The following RMDN2 variants were observed in gnomAD, a reference collection of about 807,000 sequenced individuals.
The protein encoded by RMDN2 is regulator of microtubule dynamics 2.
Under a neutral mutation model 52.8 loss-of-function variants are expected in RMDN2, and 61 were observed. That is an observed-to-expected ratio of 1.16 (90% CI 0.94 to 1.43). RMDN2 has a LOEUF of 1.43. Ranked by LOEUF, RMDN2 falls within the 40% of genes most tolerant of loss-of-function variation. RMDN2 has a pLI of 0.00. For missense variants in RMDN2, 592 were observed against 475.3 expected (o/e 1.25, Z -2.28); for synonymous variants, 180 against 153.1 (o/e 1.18, Z -1.30).
chr2:38,009,939 C>T (rs1441771224), intron 10 of RMDN2, among the ~76,000 whole-genome samples: 1 of 152,168 alleles, frequency 6.6e-6, no homozygotes. Context: ...AGTCAGGACC[C>T]TCAGCTGCAG....
intron 2 of RMDN2, among the ~76,000 whole-genome samples, chr2:37,946,531 G>A (rs1289416874): frequency 6.6e-6 from 1 of 152,198 alleles, no homozygotes; most frequent in Non-Finnish European, 1.5e-5. Context: ...TTTAGCACAT[G>A]ATACATTATC....
At chr2:38,034,432 T>A (rs1680437813) in intron 10 of RMDN2, among the ~76,000 whole-genome samples, 1 of 152,138 alleles carries the variant, frequency 6.6e-6, no homozygotes, top group South Asian at 2.1e-4. Context: ...GCAATAAAGA[T>A]CAGACTTTTT....
chr2:37,928,153 G>A (rs1666436106), intron 1 of RMDN2, among the ~76,000 whole-genome samples: 1 of 152,122 alleles, frequency 6.6e-6, no homozygotes, highest in African/African-American at 2.4e-5. Flanking sequence ...TTGACACTTA[G>A]GCCTGTAATG....
chr2:37,992,408 T>C (rs576350741), intron 7 of RMDN2, among the ~76,000 whole-genome samples: 1 of 152,390 alleles, frequency 6.6e-6, no homozygotes, highest in African/African-American at 2.4e-5. Context: ...CAAATTTTTA[T>C]AACCTACTTA....
chr2:37,975,389 G>C lies in RMDN2; in HGVS notation c.730+75G>C, dbSNP rs146218326. On this transcript the variant is annotated intron_variant, in intron 4 of 10. Coordinates refer to ENST00000354545, the MANE Select transcript of RMDN2 (RefSeq NM_001170791.3). The stretch of plus-strand genomic sequence containing the variant: ...AAATCATGCAGCCGTAAAAAAGGAT[G>C]AGTTCATGTCCTTTGCAGGGACATG... 1,093 of 858,078 alleles carry C rather than the reference G, an allele frequency of 1.3e-3. 6 individuals are homozygous for C. The African/African-American group carries it at 0.016, about 12-fold the overall frequency. The allele number at this position is 858,078 out of a possible 1,614,324, so 53.2% of individuals were successfully genotyped here. A position where few individuals can be genotyped will look rare whatever the true frequency, so the allele number is the denominator to read the frequency against.
chr2:37,960,061 A>G (rs1169291817), intron 2 of RMDN2, among the ~76,000 whole-genome samples: 1 of 152,168 alleles, frequency 6.6e-6, no homozygotes, highest in Non-Finnish European at 1.5e-5. Context: ...TTTACTTCCA[A>G]TTATGTGGTC....
At chr2:37,944,193 G>T (rs1416469391) in intron 2 of RMDN2, among the ~76,000 whole-genome samples, 1 of 152,056 alleles carries the variant, frequency 6.6e-6, no homozygotes, top group Non-Finnish European at 1.5e-5. Context: ...CGTTGTTTTT[G>T]CATGATGTAT....
At chr2:38,063,024 A>T (rs1480957855) in intron 10 of RMDN2, among the ~76,000 whole-genome samples, 2 of 152,074 alleles carry the variant, frequency 1.3e-5, no homozygotes, top group African/African-American at 4.8e-5. Context: ...TCGTTGTTGG[A>T]CATTTGGGTT....
At chr2:38,042,403 C>CCA (rs140036263) in intron 10 of RMDN2, among the ~76,000 whole-genome samples, 141 of 94,220 alleles carry the variant, frequency 1.5e-3, no homozygotes, top group East Asian at 0.013. Context: ...CCTCCCCCCG[C>CCA]CACACACACA....
intron 2 of RMDN2, among the ~76,000 whole-genome samples, chr2:37,930,634 G>C (rs948003767): frequency 1.3e-5 from 2 of 152,224 alleles, no homozygotes; most frequent in Non-Finnish European, 2.9e-5. Flanking sequence ...GCAGGAAGCA[G>C]CCGTGCCAGA....
At chr2:37,961,206 C>T (rs1028393029) in intron 2 of RMDN2, among the ~76,000 whole-genome samples, 3 of 152,010 alleles carry the variant, frequency 2.0e-5, no homozygotes, top group Admixed American at 1.3e-4. Flanking sequence ...GTGGTGTTCT[C>T]TGTATTTTCC....
chr2:37,966,504 C>T (rs559394858), intron 2 of RMDN2, among the ~76,000 whole-genome samples: 56 of 152,032 alleles, frequency 3.7e-4, no homozygotes, highest in African/African-American at 1.1e-3. Flanking sequence ...TAGCTTACTG[C>T]CACTTTCTCT....
intron 10 of RMDN2, among the ~76,000 whole-genome samples, chr2:38,014,113 G>A (rs770644454): frequency 2.0e-5 from 3 of 152,108 alleles, no homozygotes; most frequent in Non-Finnish European, 4.4e-5. Context: ...TAGGGAGGCC[G>A]AGGCAGGAGA....
chr2:37,946,769 T>C (rs1668255602), intron 2 of RMDN2, among the ~76,000 whole-genome samples: 1 of 152,148 alleles, frequency 6.6e-6, no homozygotes, highest in Admixed American at 6.6e-5. Context: ...ACCCTGGTGA[T>C]TGAATTGATC....
At chr2:38,047,896 C>A (rs1205721388) in intron 10 of RMDN2, among the ~76,000 whole-genome samples, 1 of 152,140 alleles carries the variant, frequency 6.6e-6, no homozygotes, top group Non-Finnish European at 1.5e-5. Context: ...CATTCCACTC[C>A]TTCCTTATAT....
chr2:37,934,928 A>G (rs1243766992), intron 2 of RMDN2, among the ~76,000 whole-genome samples: 1 of 151,966 alleles, frequency 6.6e-6, no homozygotes, highest in Non-Finnish European at 1.5e-5. Flanking sequence ...CATCTTTTTA[A>G]AGAGTTAACT....
At chr2:37,964,646 G>T (rs2125033833) in intron 2 of RMDN2, among the ~76,000 whole-genome samples, 1 of 152,270 alleles carries the variant, frequency 6.6e-6, no homozygotes, top group East Asian at 1.9e-4. Context: ...AGACGAATGT[G>T]TATTCTGTTA....
downstream of RMDN2, among the ~76,000 whole-genome samples, chr2:38,022,542 C>G (rs1448061554): frequency 6.6e-6 from 1 of 152,214 alleles, no homozygotes; most frequent in Non-Finnish European, 1.5e-5. Flanking sequence ...AGCGGGAGTT[C>G]TGACCCAAAC....
At chr2:37,950,631 A>G (rs1427511232) in intron 2 of RMDN2, 1 of 1,605,370 alleles carries the variant, frequency 6.2e-7, no homozygotes, top group South Asian at 1.1e-5. Context: ...ATGTGCTAAA[A>G]GAACATTGAA....
Sources: allele counts gnomAD v4.1 joint callset (sites outside exome capture counted in the v4.1 genomes callset), GRCh38; gene constraint gnomAD v4.1.1; transcripts MANE v1.5; gene names NCBI Gene and HGNC (gene_info 2026-07-23, HGNC 2026-07-21).